Variants in PXYLP1 observed in about 807,000 individuals in gnomAD.
PXYLP1 encodes 2-phosphoxylose phosphatase 1.
A neutral mutation model predicts 37.9 loss-of-function variants in PXYLP1; 17 were observed. The ratio of observed to expected loss-of-function variants is 0.45; its 90% CI spans 0.31 to 0.67. PXYLP1 has a LOEUF of 0.67. Ranked by LOEUF, PXYLP1 falls within the 30% of genes least tolerant of loss-of-function variation. The pLI, the probability that PXYLP1 is intolerant of heterozygous loss-of-function variation, is 0.07. For missense variants in PXYLP1, 511 were observed against 612.0 expected, an observed-to-expected ratio of 0.84 and a Z score of 1.74; for synonymous variants, 221 against 232.2, an observed-to-expected ratio of 0.95 and a Z score of 0.44.
intron 1 of PXYLP1, among the ~76,000 whole-genome samples, chr3:141,245,459 TG>T (rs1319505406): frequency 1.3e-5 from 2 of 152,238 alleles, no homozygotes; most frequent in Non-Finnish European, 2.9e-5. Flanking sequence ...TGCCATGCCT[TG>T]TTCTCTGTCC....
In PXYLP1 at chr3:141,260,120, C is replaced by T. The variant is rs963283540; in HGVS notation, c.-53-3C>T. 3.1e-6 allele frequency: 5 copies of T among 1,601,534 alleles called. No homozygotes were observed. Among genetic ancestry groups the T allele is most frequent in the South Asian group, 1.1e-5 (1 of 90,536 alleles). ...TCATTTATCACCTCTGCTTTATTCA[C>T]AGGACATGTTCCCGATTTGAGGTGA... On this transcript the variant is annotated splice_polypyrimidine_tract_variant and splice_region_variant and intron_variant, in intron 1 of 5. Transcript: ENST00000286353.
rs1232966628 is a variant in PXYLP1, at chr3:141,292,269, A to G, written c.507A>G (p.Gly169=). ...LCEMGELTQT[G]VVQHLQNGQL... is the part of the protein sequence containing the mutation. Reference sequence around the variant, plus strand: ...AAGCTTTGTGTGCTTGTGTTTCAGGAGTTGTGCAGCATTTGCAGAACGGTC... The same window carrying G: ...AAGCTTTGTGTGCTTGTGTTTCAGGGGTTGTGCAGCATTTGCAGAACGGTC... Residue 169 remains glycine, a splice_region_variant and synonymous_variant, in exon 6 of 6, where the codon GGA becomes GGG. Coordinates refer to ENST00000286353, the MANE Select transcript of PXYLP1 (RefSeq NM_001037172.3). This position sits in a 1 kb window ranked among gnomAD's most constrained non-coding sequence, Gnocchi z 4.3. The G allele has an allele frequency of 1.3e-6, 2 of 1,579,912 alleles. No individual in the cohort carries two copies. The highest frequency in any genetic ancestry group is 8.6e-7 in the Non-Finnish European group (1 of 1,163,882).
At chr3:141,287,796 A>G (rs1262380843) in intron 5 of PXYLP1, among the ~76,000 whole-genome samples, 1 of 152,220 alleles carries the variant, frequency 6.6e-6, no homozygotes, top group African/African-American at 2.4e-5. Context: ...ACATCTTACT[A>G]AACACACTAT....
intron 1 of PXYLP1, 102 bp downstream of exon 1, chr3:141,232,013 A>AG (rs1371774738): frequency 6.6e-6 from 1 of 151,968 alleles, no homozygotes; most frequent in African/African-American, 2.4e-5. Context: ...TGGGAGACTG[A>AG]GGGGGTCCCC....
intron 2 of PXYLP1, chr3:141,262,445 A>G: frequency 1.4e-6 from 1 of 723,294 alleles, no homozygotes; most frequent in Non-Finnish European, 1.9e-6. Flanking sequence ...TTATTTTGAG[A>G]GGCTGACAGG....
intron 2 of PXYLP1, chr3:141,273,809 C>A (rs367560214): frequency 3.0e-6 from 3 of 985,224 alleles, no homozygotes. Flanking sequence ...GGTAATCACA[C>A]CACAGAGAAA....
chr3:141,289,647 A>G (rs1490434414), intron 5 of PXYLP1, among the ~76,000 whole-genome samples: 1 of 152,226 alleles, frequency 6.6e-6, no homozygotes, highest in African/African-American at 2.4e-5. Flanking sequence ...GGAATAAAAA[A>G]GCTGTCTTGT....
intron 4 of PXYLP1, among the ~76,000 whole-genome samples, chr3:141,285,607 C>T (rs1011270651): frequency 2.0e-5 from 3 of 152,160 alleles, no homozygotes; most frequent in African/African-American, 4.8e-5. Flanking sequence ...ACCTGGGTCA[C>T]CTCAGCAAAC....
At chr3:141,273,308 G>C (rs1435749956) in intron 2 of PXYLP1, 2 of 985,310 alleles carry the variant, frequency 2.0e-6, no homozygotes, top group Non-Finnish European at 2.4e-6. Flanking sequence ...GGGCTTACAG[G>C]CTTCAGGACC....
At chr3:141,275,912 A>G (rs1941783153) in intron 2 of PXYLP1, among the ~76,000 whole-genome samples, 1 of 152,270 alleles carries the variant, frequency 6.6e-6, no homozygotes, top group African/African-American at 2.4e-5. Flanking sequence ...CATGTACCAC[A>G]TAATGACTTC....
chr3:141,269,194 G>C (rs1941604432), intron 2 of PXYLP1, among the ~76,000 whole-genome samples: 2 of 152,242 alleles, frequency 1.3e-5, no homozygotes. Flanking sequence ...TGGTTTGGTG[G>C]CCTCAGTGGG....
At chr3:141,262,192 G>A (rs1559886700) in intron 2 of PXYLP1, 1 of 756,622 alleles carries the variant, frequency 1.3e-6, no homozygotes, top group East Asian at 1.3e-4. Context: ...GCATATGACA[G>A]CCTATTTCTA....
At chr3:141,284,945 A>G (rs1942036072) in intron 4 of PXYLP1, among the ~76,000 whole-genome samples, 1 of 152,066 alleles carries the variant, frequency 6.6e-6, no homozygotes, top group Admixed American at 6.5e-5. Flanking sequence ...GGGACACTTC[A>G]CAGTTGAATT....
chr3:141,251,961 G>A (rs1941149569), intron 1 of PXYLP1, among the ~76,000 whole-genome samples: 2 of 152,150 alleles, frequency 1.3e-5, no homozygotes, highest in Admixed American at 6.5e-5. Flanking sequence ...GCTAGGTACT[G>A]TACCATGTTC....
rs1293201724 is a variant in PXYLP1, at chr3:141,255,660, A to T, written c.-53-4463A>T. Among the ~76,000 whole-genome samples, 4 of 152,276 alleles carry T rather than the reference A, an allele frequency of 2.6e-5. No individual in the cohort carries two copies. In the South Asian group the frequency reaches 6.2e-4, roughly 24 times the overall value. On this transcript the variant is annotated intron_variant, in intron 1 of 5. Transcript: ENST00000286353. ...ATGAGTCTCACCAGATGTCTTGAGG[A>T]GCTGCTATAGACCCCAGGGGTAGGC...
intron 4 of PXYLP1, among the ~76,000 whole-genome samples, chr3:141,286,213 G>A (rs186584973): frequency 3.3e-5 from 5 of 152,234 alleles, no homozygotes; most frequent in Non-Finnish European, 7.4e-5. Context: ...TATATTCATA[G>A]GTCATTTCAT....
chr3:141,233,173 A>G lies in PXYLP1; in HGVS notation c.-54+1262A>G, dbSNP rs28670713. Among the ~76,000 whole-genome samples, 423 of 152,226 alleles carry G rather than the reference A, an allele frequency of 2.8e-3. 1 individual carries two copies. Among genetic ancestry groups the G allele is most frequent in the African/African-American group, 9.7e-3 (404 of 41,536 alleles). Reference sequence around the variant, plus strand: ...TCTGTGGGAAGGGGATTTATAGCAGATGGATCAAAAGGCCTCGGGCGCGGT... The same window carrying G: ...TCTGTGGGAAGGGGATTTATAGCAGGTGGATCAAAAGGCCTCGGGCGCGGT... On this transcript the variant is annotated intron_variant, in intron 1 of 5. Transcript: ENST00000286353.
intron 2 of PXYLP1, among the ~76,000 whole-genome samples, chr3:141,261,516 C>T (rs1211565979): frequency 4.6e-5 from 7 of 152,294 alleles, no homozygotes; most frequent in Non-Finnish European, 8.8e-5. Context: ...AACTCCATTT[C>T]TACAGAAATG....
At chr3:141,248,054 A>C (rs1483582858) in intron 1 of PXYLP1, among the ~76,000 whole-genome samples, 2 of 117,058 alleles carry the variant, frequency 1.7e-5, no homozygotes, top group Non-Finnish European at 3.4e-5. Flanking sequence ...ATGGAGTCCC[A>C]CTCTGTCACC....
Sources: gnomAD v4.1 joint callset for allele counts (sites outside exome capture counted in the v4.1 genomes callset) on GRCh38, gnomAD v4.1.1 for gene constraint, Gnocchi (gnomAD v3.1) non-coding constraint, MANE v1.5 for transcripts, NCBI Gene and HGNC (gene_info 2026-07-23, HGNC 2026-07-21) for gene names.